The following PTPRG variants were observed in gnomAD, a reference collection of about 807,000 sequenced individuals.
The protein encoded by PTPRG is receptor-type tyrosine-protein phosphatase gamma.
Under a neutral mutation model 165.3 loss-of-function variants are expected in PTPRG, and 102 were observed. The ratio of observed to expected loss-of-function variants is 0.62; its 90% CI spans 0.53 to 0.73. PTPRG has a LOEUF of 0.73. Ranked by LOEUF, PTPRG falls within the 30% of genes least tolerant of loss-of-function variation. The probability of loss-of-function intolerance (pLI) is 0.00; values close to 1 mark genes in which losing one functional copy is unlikely to be tolerated. For missense variants in PTPRG, 1,866 were observed against 1,861.4 expected, an observed-to-expected ratio of 1.00 and a Z score of -0.05; for synonymous variants, 675 against 669.5, an observed-to-expected ratio of 1.01 and a Z score of -0.13.
At chr3:62,289,696 G>A (rs1702805279) in intron 28 of PTPRG, among the ~76,000 whole-genome samples, 2 of 101,182 alleles carry the variant, frequency 2.0e-5, no homozygotes, top group Admixed American at 1.3e-4. Flanking sequence ...ACCCATTCAT[G>A]ATCCCCCCCC....
At chr3:62,074,352 CTTTTTTTTTT>C (rs200189646) in intron 4 of PTPRG, among the ~76,000 whole-genome samples, 38 of 109,102 alleles carry the variant, frequency 3.5e-4, no homozygotes, top group East Asian at 1.4e-3. Context: ...TCTTTTCTTT[CTTTTTTTTTT>C]TTTTTTTTTT....
At position 61,748,907 on chromosome 3, in the gene PTPRG, C is replaced by A; in HGVS notation, c.115C>A (p.His39Asn). ...GACAGAAGGCTACGTTGGGGCCCTG[C>A]ACGAGAATAGACACGGCAGCGCAGT... The part of the protein sequence containing the change: ...ALTEGYVGAL[H>N]ENRHGSAVQI... The change falls in exon 2 of 30, where the codon CAC becomes AAC. Residue 39 changes from histidine to asparagine, a missense_variant. His to Asn is a moderately conservative substitution (Grantham distance 68). Around this residue, in one of 3 missense-constraint regions of PTPRG, gnomAD observed 408 missense variants for 376.2 expected, o/e 1.08. Transcript: ENST00000474889. 1 of 1,613,522 alleles carries A rather than the reference C, an allele frequency of 6.2e-7. No homozygotes were observed. Among genetic ancestry groups the A allele is most frequent in the Non-Finnish European group, 8.5e-7 (1 of 1,179,880 alleles).
intron 2 of PTPRG, among the ~76,000 whole-genome samples, chr3:61,961,040 T>C (rs1040091781): frequency 3.9e-5 from 6 of 152,154 alleles, no homozygotes; most frequent in African/African-American, 1.4e-4. Context: ...TTCATTATGA[T>C]GATATGTGTT....
At chr3:62,100,536 A>T (rs1470332859) in intron 5 of PTPRG, among the ~76,000 whole-genome samples, 1 of 152,018 alleles carries the variant, frequency 6.6e-6, no homozygotes, top group African/African-American at 2.4e-5. Flanking sequence ...TCAGTTAGAG[A>T]GTGGATCTGG....
At chr3:61,886,050 G>A (rs534452357) in intron 2 of PTPRG, among the ~76,000 whole-genome samples, 1 of 151,984 alleles carries the variant, frequency 6.6e-6, no homozygotes, top group African/African-American at 2.4e-5. Context: ...GACAACTCGA[G>A]CACCACCCCC....
chr3:61,833,971 T>A (rs1471091763), intron 2 of PTPRG, among the ~76,000 whole-genome samples: 1 of 152,236 alleles, frequency 6.6e-6, no homozygotes, highest in Non-Finnish European at 1.5e-5. Context: ...TCTCATCTAC[T>A]TTATTGGCTT....
chr3:62,162,230 A>G (rs1704792684), intron 7 of PTPRG, among the ~76,000 whole-genome samples: 1 of 152,204 alleles, frequency 6.6e-6, no homozygotes, highest in South Asian at 2.1e-4. Context: ...TTATAATAAA[A>G]ACTAAGTTGA....
chr3:62,129,954 C>T (rs1054977537), intron 5 of PTPRG, among the ~76,000 whole-genome samples: 82 of 152,290 alleles, frequency 5.4e-4, no homozygotes, highest in African/African-American at 1.8e-3. Context: ...TATATTGTTT[C>T]AAAAAACTAC....
intron 1 of PTPRG, among the ~76,000 whole-genome samples, chr3:61,683,272 G>C (rs1352326369): frequency 6.6e-6 from 1 of 152,224 alleles, no homozygotes; most frequent in African/African-American, 2.4e-5. Context: ...TGGAAACTCT[G>C]GGTAAGGCCA....
At chr3:62,033,129 T>C (rs1478416703) in intron 4 of PTPRG, among the ~76,000 whole-genome samples, 1 of 152,076 alleles carries the variant, frequency 6.6e-6, no homozygotes, top group Admixed American at 6.6e-5. Context: ...GGAAATACTC[T>C]TTCCCCTTTT....
At position 61,774,254 on chromosome 3, in the gene PTPRG, G is replaced by C. The variant is rs114525430; in HGVS notation, c.190+25272G>C. On this transcript the variant is annotated intron_variant, in intron 2 of 29. Coordinates refer to ENST00000474889, the MANE Select transcript of PTPRG (RefSeq NM_002841.4). ...TGACTGAGGGGTTCCCAGAATGGGA[G>C]ACATTCATGCTACTCTGGCCAGCAC... 5.6e-3 allele frequency among the ~76,000 whole-genome samples: 848 copies of C among 152,340 alleles called. 6 individuals carry two copies. The highest frequency in any genetic ancestry group is 0.019 in the African/African-American group (809 of 41,574).
chr3:62,121,119 T>A (rs1703053761), intron 5 of PTPRG, among the ~76,000 whole-genome samples: 3 of 151,490 alleles, frequency 2.0e-5, no homozygotes, highest in African/African-American at 7.3e-5. Context: ...AATTTTTTTT[T>A]TTTTTTTGTA....
At chr3:61,615,929 G>T (rs536271828) in intron 1 of PTPRG, among the ~76,000 whole-genome samples, 1 of 152,238 alleles carries the variant, frequency 6.6e-6, no homozygotes, top group African/African-American at 2.4e-5. Flanking sequence ...TCTTTTAGAG[G>T]AGACTAGTAT....
chr3:62,079,800 A>C (rs918748469), intron 5 of PTPRG, among the ~76,000 whole-genome samples: 1 of 152,202 alleles, frequency 6.6e-6, no homozygotes, highest in African/African-American at 2.4e-5. Context: ...AAACTTTTCA[A>C]TCTCAGTATC....
At chr3:61,844,658 CTTT>C (rs766696234) in intron 2 of PTPRG, among the ~76,000 whole-genome samples, 1 of 139,020 alleles carries the variant, frequency 7.2e-6, no homozygotes. Context: ...CCACATCTGG[CTTT>C]TTTTTTTTTT....
At chr3:61,937,854 C>A (rs1275055935) in intron 2 of PTPRG, among the ~76,000 whole-genome samples, 1 of 152,052 alleles carries the variant, frequency 6.6e-6, no homozygotes, top group African/African-American at 2.4e-5. Flanking sequence ...CAATTTTTCA[C>A]CCTTTCTGAT....
chr3:61,889,065 C>G (rs1291345495), intron 2 of PTPRG, among the ~76,000 whole-genome samples: 1 of 152,250 alleles, frequency 6.6e-6, no homozygotes, highest in African/African-American at 2.4e-5. Flanking sequence ...AATGTTTTCT[C>G]AAGTTAAAGT....
chr3:62,003,615 C>G (rs1559740709), intron 4 of PTPRG, 118 bp downstream of exon 4: 2 of 1,305,236 alleles, frequency 1.5e-6, no homozygotes, highest in South Asian at 1.5e-5. Context: ...CTAACTTCCT[C>G]TCTCTGGAAA....
rs542667298 is a variant in PTPRG at position 61,673,051 on chromosome 3, C to G, written c.86-75827C>G. On this transcript the variant is annotated intron_variant, in intron 1 of 29. Coordinates refer to ENST00000474889, the MANE Select transcript of PTPRG (RefSeq NM_002841.4). ...GTGCGTGCCCGTAGTCCTAGCTACT[C>G]GGAGAGACTGAGGTGGAGTGTATCA... Among the ~76,000 whole-genome samples the G allele has an allele frequency of 1.3e-4, 20 of 152,076 alleles. 1 individual carries two copies. In the South Asian group the frequency reaches 3.9e-3, roughly 30 times the overall value.
Sources: gnomAD v4.1 joint callset for allele counts (sites outside exome capture counted in the v4.1 genomes callset) on GRCh38, gnomAD v4.1.1 for gene constraint, gnomAD v4.1.1 regional missense constraint, MANE v1.5 for transcripts, NCBI Gene and HGNC (gene_info 2026-07-23, HGNC 2026-07-21) for gene names.